The following IGFLR1 variants were observed in gnomAD, a reference collection of about 807,000 sequenced individuals.
IGFLR1 encodes IGF-like family receptor 1.
In IGFLR1, 17 loss-of-function variants were observed where a neutral mutation model predicts 23.4. The ratio of observed to expected loss-of-function variants is 0.73; its 90% CI spans 0.50 to 1.09. IGFLR1 has a LOEUF of 1.09. Ranked by LOEUF, IGFLR1 falls within the 50% of genes least tolerant of loss-of-function variation. The pLI, the probability that IGFLR1 is intolerant of heterozygous loss-of-function variation, is 0.00. For synonymous variants in IGFLR1, 265 were observed against 210.7 expected (o/e 1.26, Z -2.23); for missense variants, 556 against 459.2 (o/e 1.21, Z -1.93).
intron 3 of IGFLR1, 129 bp from the exon 4 acceptor site, chr19:35,740,217 C>T: frequency 3.7e-6 from 5 of 1,340,768 alleles, no homozygotes; most frequent in Non-Finnish European, 3.9e-6. Context: ...GGTAGTTGGG[C>T]CCCGCAAGGC....
chr19:35,739,215 T>A lies in IGFLR1; in HGVS notation c.*65A>T. Reference sequence around the variant, plus strand: ...GTCTTTGCCCAATTAGGATTGTACTTCAAGAAGTACTTCAGTGCTAATTGT... The same window carrying A: ...GTCTTTGCCCAATTAGGATTGTACTACAAGAAGTACTTCAGTGCTAATTGT... On this transcript the variant is annotated 3_prime_UTR_variant, in exon 5 of 5. Transcript: ENST00000246532. 7.2e-7 allele frequency: 1 copy of A among 1,385,102 alleles called. No homozygotes were observed. Among genetic ancestry groups the A allele is most frequent in the Non-Finnish European group, 9.7e-7 (1 of 1,029,414 alleles). 85.8% of individuals were successfully genotyped at this position (1,385,102 alleles called of 1,614,324 possible).
intron 2 of IGFLR1, 66 bp downstream of exon 2, chr19:35,740,958 C>T (rs771211080): frequency 1.3e-6 from 2 of 1,504,240 alleles, no homozygotes; most frequent in East Asian, 2.3e-5. Flanking sequence ...CCACAGACCT[C>T]GCCCCTTCCC....
intron 3 of IGFLR1, 49 bp downstream of exon 3, chr19:35,740,331 G>T (rs1423042967): frequency 1.3e-6 from 2 of 1,495,970 alleles, no homozygotes; most frequent in Non-Finnish European, 1.8e-6. Flanking sequence ...CTACATCTAG[G>T]CCCCCCACCT....
In IGFLR1 at chr19:35,739,376, G is replaced by A; in HGVS notation, c.972C>T (p.Ser324=). 1 of 1,613,038 alleles carries A rather than the reference G, an allele frequency of 6.2e-7. No individual in the cohort carries two copies. The change falls in exon 5 of 5, where the codon TCC becomes TCT. Residue 324 remains serine (S), a synonymous_variant. Coordinates refer to ENST00000246532, the MANE Select transcript of IGFLR1 (RefSeq NM_024660.4). ...EMVVAREPSA[S]LGQLGTHLAQ... ...CGAGGTGTGTGCCAAGCTGGCCCAG[G>A]GAGGCAGAGGGCTCCCTTGCCACCA...
chr19:35,740,010 G>C lies in IGFLR1; in HGVS notation c.421C>G (p.Pro141Ala). ...GAPSSQERSSPASSIAWRTPE... is the reference protein window; with the variant it reads ...GAPSSQERSSAASSIAWRTPE... ...GTCCTCCAGGCAATGGAACTTGCTG[G>C]TGAGCTGCGCTCCTGGGAGCTAGGG... The change falls in exon 4 of 5, where the codon CCA becomes GCA. Residue 141 changes from proline (P) to alanine (A), a missense_variant. Pro to Ala is a conservative substitution (Grantham distance 27, BLOSUM62 -1). Transcript: ENST00000246532. 1 of 1,614,090 alleles carries C rather than the reference G, an allele frequency of 6.2e-7. No homozygotes were observed. The highest frequency in any genetic ancestry group is 8.5e-7 in the Non-Finnish European group (1 of 1,180,000).
At chr19:35,740,830 C>T in intron 2 of IGFLR1, 194 bp downstream of exon 2, 2 of 650,360 alleles carry the variant, frequency 3.1e-6, no homozygotes, top group East Asian at 5.6e-5. Flanking sequence ...CAGCCATATC[C>T]ATTCGCTGTT....
chr19:35,741,844 G>T (rs186381802), intron 1 of IGFLR1, among the ~76,000 whole-genome samples: 167 of 151,858 alleles, frequency 1.1e-3, no homozygotes, highest in African/African-American at 3.9e-3. Context: ...GGGCGCAGTG[G>T]CTCATGCCTG....
rs1303266977 is a variant in IGFLR1 at position 35,739,258 on chromosome 19, C to T, written c.*22G>A. The T allele has an allele frequency of 6.5e-7, 1 of 1,528,242 alleles. No homozygotes were observed. Among genetic ancestry groups the T allele is most frequent in the Non-Finnish European group, 8.8e-7 (1 of 1,131,074 alleles). The allele number at this position is 1,528,242 out of a possible 1,614,324, so 94.7% of individuals were successfully genotyped here. A position where few individuals can be genotyped will look rare whatever the true frequency, so the allele number is the denominator to read the frequency against. ...CTAATTGTATACTGGGCTTAGTAGT[C>T]AGCAAAGTTCTTTATTGGGTGTTAA... On this transcript the variant is annotated 3_prime_UTR_variant, in exon 5 of 5. Transcript: ENST00000246532.
At chr19:35,740,153 C>A in intron 3 of IGFLR1, 65 bp from the exon 4 acceptor site, 1 of 1,503,922 alleles carries the variant, frequency 6.6e-7, no homozygotes, top group South Asian at 1.3e-5. Flanking sequence ...CCCAAACCTC[C>A]CAACTTTATA....
Position 35,739,787 on chromosome 19 carries a change from G to T in IGFLR1, c.644C>A (p.Ser215Ter). ...GVPNTHTPSSSHLSSPGALET... is the reference protein window; with the variant it reads ...GVPNTHTPSS ...CAGGGCGCCTGGGGAGGACAGATGC[G>T]AGGAGGAAGGGGTGTGGGTGTTGGG... The change falls in exon 4 of 5, where the codon TCG becomes TAG. Residue 215 changes from serine (S) to a stop codon, truncating the protein, a stop_gained. Coordinates refer to ENST00000246532, the MANE Select transcript of IGFLR1 (RefSeq NM_024660.4). LOFTEE classifies it high-confidence loss of function. 1 of 1,575,040 alleles carries T rather than the reference G, an allele frequency of 6.3e-7. No homozygotes were observed. The highest frequency in any genetic ancestry group is 2.3e-5 in the East Asian group (1 of 44,418).
rs200487496 is a variant in IGFLR1, at chr19:35,739,599, A to T, written c.749T>A (p.Leu250Gln). ...CTCCAGCTCATCCAGGAGGCGAGAC[A>T]GGGGTTGTGACGCCAGACTGGACAG... The part of the protein sequence containing the change: ...RELSSLASQP[L>Q]SRLLDELEVL... The change falls in exon 5 of 5, where the codon CTG becomes CAG. Residue 250 changes from leucine to glutamine, a missense_variant. Coordinates refer to ENST00000246532, the MANE Select transcript of IGFLR1 (RefSeq NM_024660.4). 1.9e-6 allele frequency: 3 copies of T among 1,607,878 alleles called. No homozygotes were observed. Among genetic ancestry groups the T allele is most frequent in the Non-Finnish European group, 2.6e-6 (3 of 1,174,942 alleles).
Position 35,740,000 on chromosome 19 carries a change from G to C in IGFLR1, c.431C>G (p.Ser144Cys). 6.2e-7 allele frequency: 1 copy of C among 1,614,098 alleles called. No individual in the cohort carries two copies. Among genetic ancestry groups the C allele is most frequent in the Non-Finnish European group, 8.5e-7 (1 of 1,179,980 alleles). ...SSQERSSPAS[S>C]IAWRTPEPVP... ...AGGCTCAGGGGTCCTCCAGGCAATGGAACTTGCTGGTGAGCTGCGCTCCTG... is the reference window on the plus strand; with the variant it reads ...AGGCTCAGGGGTCCTCCAGGCAATGCAACTTGCTGGTGAGCTGCGCTCCTG... Residue 144 changes from serine to cysteine, a missense_variant, in exon 4 of 5, where the codon TCC (serine) becomes TGC (cysteine). Coordinates refer to ENST00000246532, the MANE Select transcript of IGFLR1 (RefSeq NM_024660.4).
intron 1 of IGFLR1, 133 bp from the exon 2 acceptor site, chr19:35,741,356 C>G: frequency 2.4e-6 from 2 of 848,368 alleles, no homozygotes; most frequent in Non-Finnish European, 3.7e-6. Flanking sequence ...ATCAGAGAAG[C>G]CCACAAGGCC....
chr19:35,740,802 G>A lies in IGFLR1; in HGVS notation c.157+222C>T, dbSNP rs1000971736. Reference sequence around the variant, plus strand: ...ACATAAAGCCCACCCTTTCCACGCGGCCCCTATCCCGCCTCTCCAGCCATA... The same window carrying A: ...ACATAAAGCCCACCCTTTCCACGCGACCCCTATCCCGCCTCTCCAGCCATA... On this transcript the variant is annotated intron_variant, in intron 2 of 4. Transcript: ENST00000246532. 2.2e-5 allele frequency: 14 copies of A among 633,110 alleles called. No individual in the cohort carries two copies. The East Asian group carries it at 3.4e-4, about 15-fold the overall frequency. 39.2% of individuals were successfully genotyped at this position (633,110 alleles called of 1,614,324 possible).
rs763157231 is a variant in IGFLR1, at chr19:35,739,328, T to C, written c.1020A>G (p.Ala340=). 3 of 1,609,382 alleles carry C rather than the reference T, an allele frequency of 1.9e-6. No homozygotes were observed. The highest frequency in any genetic ancestry group is 2.5e-6 in the Non-Finnish European group (3 of 1,177,692). The stretch of plus-strand genomic sequence containing the variant: ...AGCCAAGCTTGGACAGCACCCGCAA[T>C]GCATCTGCCCGCCCTAGCTGGGCGA... ...THLAQLGRAD[A]LRVLSKLGSS... The change falls in exon 5 of 5, where the codon GCA becomes GCG. Residue 340 remains alanine, a synonymous_variant. Transcript: ENST00000246532.
chr19:35,739,739 T>G lies in IGFLR1; in HGVS notation c.692A>C (p.Glu231Ala), dbSNP rs143685990. The G allele has an allele frequency of 2.6e-5, 40 of 1,550,476 alleles. No individual in the cohort carries two copies. The highest frequency in any genetic ancestry group is 3.7e-5 in the South Asian group (3 of 81,280). ...GCTCAGGAGTGGAAGTAGTGAGGCC[T>G]CCTTCCATGTGTCCCCTGTCTCCAG... ...GALETGDTWK[E>A]ASLLPLLSRE... is the part of the protein sequence containing the mutation. The change falls in exon 4 of 5, where the codon GAG (glutamate) becomes GCG (alanine). Residue 231 changes from glutamate (E) to alanine (A), a missense_variant. By Grantham distance (107) the Glu-to-Ala change is moderately radical. Coordinates refer to ENST00000246532, the MANE Select transcript of IGFLR1 (RefSeq NM_024660.4).
In IGFLR1 at chr19:35,739,949, A is replaced by T; in HGVS notation, c.482T>A (p.Phe161Tyr). Residue 161 changes from phenylalanine to tyrosine, a missense_variant, in exon 4 of 5, where the codon TTC (phenylalanine) becomes TAC (tyrosine). Physicochemically the swap from Phe to Tyr is conservative, Grantham distance 22 (BLOSUM62 3). Transcript: ENST00000246532. ...CAGGACCAGCACCACGAGCGGAAGGAAATTCGGCCAGGCCTGCTGAGGGAC... is the reference window on the plus strand; with the variant it reads ...CAGGACCAGCACCACGAGCGGAAGGTAATTCGGCCAGGCCTGCTGAGGGAC... ...EPVPQQAWPN[F>Y]LPLVVLVLLL... 1.9e-6 allele frequency: 3 copies of T among 1,614,070 alleles called. No individual in the cohort carries two copies. Among genetic ancestry groups the T allele is most frequent in the Non-Finnish European group, 2.5e-6 (3 of 1,179,998 alleles).
In IGFLR1 at chr19:35,739,799, G is replaced by T; in HGVS notation, c.632C>A (p.Thr211Asn). ...GGAGGACAGATGCGAGGAGGAAGGG[G>T]TGTGGGTGTTGGGGACTCCGCAGAC... Reference protein sequence around the residue: ...GLVCGVPNTHTPSSSHLSSPG... With the variant: ...GLVCGVPNTHNPSSSHLSSPG... The change falls in exon 4 of 5, where the codon ACC becomes AAC. Residue 211 changes from threonine to asparagine, a missense_variant. Physicochemically the swap from Thr to Asn is moderately conservative, Grantham distance 65. Coordinates refer to ENST00000246532, the MANE Select transcript of IGFLR1 (RefSeq NM_024660.4). 6.3e-7 allele frequency: 1 copy of T among 1,586,520 alleles called. No homozygotes were observed. Among genetic ancestry groups the T allele is most frequent in the Non-Finnish European group, 8.6e-7 (1 of 1,162,992 alleles).
chr19:35,742,213 CG>C (rs534267344), intron 1 of IGFLR1, among the ~76,000 whole-genome samples, 182 bp downstream of exon 1: 170 of 152,178 alleles, frequency 1.1e-3, no homozygotes, highest in African/African-American at 3.9e-3. Flanking sequence ...TCGGCAGGCA[CG>C]GAGGAGTCAG....
Sources: allele counts gnomAD v4.1 joint callset (sites outside exome capture counted in the v4.1 genomes callset), GRCh38; gene constraint gnomAD v4.1.1; transcripts MANE v1.5; gene names NCBI Gene and HGNC (gene_info 2026-07-23, HGNC 2026-07-21).